Variants in LLGL1 observed in about 807,000 individuals in gnomAD.
LLGL1 encodes the protein LLGL scribble cell polarity complex component 1.
Under a neutral mutation model 110.6 loss-of-function variants are expected in LLGL1, and 58 were observed. That is an observed-to-expected ratio of 0.52 (90% confidence interval 0.42 to 0.65). LLGL1 has a LOEUF of 0.65. Ranked by LOEUF, LLGL1 falls within the 30% of genes least tolerant of loss-of-function variation. The probability of loss-of-function intolerance (pLI) is 0.00; values close to 1 mark genes in which losing one functional copy is unlikely to be tolerated. For missense variants in LLGL1, 1,229 were observed against 1,462.1 expected, an observed-to-expected ratio of 0.84 and a Z score of 2.60; for synonymous variants, 674 against 607.2, an observed-to-expected ratio of 1.11 and a Z score of -1.62.
Position 18,237,682 on chromosome 17 carries a change from A to G in LLGL1, c.1813A>G (p.Thr605Ala). 6.2e-7 allele frequency: 1 copy of G among 1,612,840 alleles called. No individual in the cohort carries two copies. The highest frequency in any genetic ancestry group is 8.5e-7 in the Non-Finnish European group (1 of 1,179,978). Reference protein sequence around the residue: ...CLPPAAVTAVTLHTEWSLVAF... With the variant: ...CLPPAAVTAVALHTEWSLVAF... ...GCCGCCAGCTGCTGTAACCGCTGTC[A>G]CACTCCACACCGAGTGGAGCCTCGT... The change falls in exon 14 of 23, where the codon ACA becomes GCA. Residue 605 changes from threonine to alanine, a missense_variant. Thr to Ala is a moderately conservative substitution (Grantham distance 58). Coordinates refer to ENST00000316843, the MANE Select transcript of LLGL1 (RefSeq NM_004140.4).
In LLGL1 at chr17:18,233,996, C is replaced by T; in HGVS notation, c.552-17C>T. ...GTGCCCGGGAAGTTCTGCTGGCTCA[C>T]CTGCCTTCCTCCACAGCGTGCCAGA... On this transcript the variant is annotated splice_polypyrimidine_tract_variant and intron_variant, in intron 5 of 22. Coordinates refer to ENST00000316843, the MANE Select transcript of LLGL1 (RefSeq NM_004140.4). The T allele has an allele frequency of 6.3e-7, 1 of 1,594,814 alleles. No homozygotes were observed. The highest frequency in any genetic ancestry group is 8.6e-7 in the Non-Finnish European group (1 of 1,168,036).
At chr17:18,242,070 C>G in intron 19 of LLGL1, 71 bp downstream of exon 19, 1 of 1,536,556 alleles carries the variant, frequency 6.5e-7, no homozygotes, top group African/African-American at 1.4e-5. Context: ...CCCCCGAGAT[C>G]TGCCTTCCCT....
chr17:18,242,719 CT>C, intron 21 of LLGL1, 23 bp from the exon 22 acceptor site: 3 of 1,563,324 alleles, frequency 1.9e-6, no homozygotes, highest in Non-Finnish European at 2.6e-6. Flanking sequence ...GCCCCCACCC[CT>C]GAGCACCATC....
intron 4 of LLGL1, 63 bp downstream of exon 4, chr17:18,232,865 A>G: frequency 1.2e-6 from 2 of 1,603,846 alleles, no homozygotes; most frequent in South Asian, 2.2e-5. Context: ...GGCTGTGGGA[A>G]CCTGCTGTGC....
At chr17:18,232,384 G>A in intron 2 of LLGL1, 111 bp from the exon 3 acceptor site, 2 of 942,962 alleles carry the variant, frequency 2.1e-6, no homozygotes, top group Non-Finnish European at 3.2e-6. Flanking sequence ...GGATGGTCAG[G>A]CCCATGCCGG....
rs140611231 is a variant in LLGL1 at position 18,237,767 on chromosome 17, T to C, written c.1898T>C (p.Leu633Pro). Reference sequence around the variant, plus strand: ...GACTACCAGCGCAAGAGCCCTGTGCTGGCCAGGTGTGTGGGGTGGGGCCGG... The same window carrying C: ...GACTACCAGCGCAAGAGCCCTGTGCCGGCCAGGTGTGTGGGGTGGGGCCGG... ...LFDYQRKSPV[L>P]ARCTLHPNDS... Residue 633 changes from leucine (L) to proline (P), a missense_variant, in exon 14 of 23, where the codon CTG becomes CCG. By Grantham distance (98) the Leu-to-Pro change is moderately conservative. Coordinates refer to ENST00000316843, the MANE Select transcript of LLGL1 (RefSeq NM_004140.4). The C allele has an allele frequency of 8.7e-6, 14 of 1,600,936 alleles. No homozygotes were observed. The highest frequency in any genetic ancestry group is 1.2e-5 in the Non-Finnish European group (14 of 1,171,460).
chr17:18,229,501 G>C (rs894712418), intron 1 of LLGL1, among the ~76,000 whole-genome samples: 3 of 152,094 alleles, frequency 2.0e-5, no homozygotes, highest in African/African-American at 7.2e-5. Context: ...GTCATCTTGC[G>C]GGACTCCTCC....
rs924509994 is a variant in LLGL1, at chr17:18,235,767, C to A, written c.1352+230C>A. On this transcript the variant is annotated intron_variant, in intron 11 of 22. Coordinates refer to ENST00000316843, the MANE Select transcript of LLGL1 (RefSeq NM_004140.4). ...AACTGAGCTCTACCAAACCCCAGGG[C>A]TCCACCCGCCCAGCCTGCCTGCCCT... 8 of 553,342 alleles carry A rather than the reference C, an allele frequency of 1.4e-5. No homozygotes were observed. In the East Asian group the frequency reaches 2.5e-4, roughly 17 times the overall value. The allele number at this position is 553,342 out of a possible 1,614,324, so 34.3% of individuals were successfully genotyped here. A position where few individuals can be genotyped will look rare whatever the true frequency, so the allele number is the denominator to read the frequency against.
chr17:18,236,994 A>C (rs149032469), intron 13 of LLGL1, 55 bp downstream of exon 13: 1 of 1,431,748 alleles, frequency 7.0e-7, no homozygotes, highest in Non-Finnish European at 9.7e-7. Context: ...TCTGGAAGAG[A>C]TGAGCTGGAG....
chr17:18,237,113 G>A (rs1465796431), intron 13 of LLGL1, 174 bp downstream of exon 13: 5 of 623,576 alleles, frequency 8.0e-6, no homozygotes, highest in Non-Finnish European at 1.4e-5. Context: ...GCCTGTCGCT[G>A]GGGGAACCAC....
In LLGL1 at chr17:18,242,644, A is replaced by G; in HGVS notation, c.3116+16A>G. On this transcript the variant is annotated intron_variant, in intron 21 of 22. Coordinates refer to ENST00000316843, the MANE Select transcript of LLGL1 (RefSeq NM_004140.4). ...ATTTCCTGGGGTGAGGCTGGTGGGCAGGTCCACAGGGGGGGCTGCCCTGTC... is the reference window on the plus strand; with the variant it reads ...ATTTCCTGGGGTGAGGCTGGTGGGCGGGTCCACAGGGGGGGCTGCCCTGTC... The G allele has an allele frequency of 6.3e-7, 1 of 1,597,014 alleles. No individual in the cohort carries two copies. Among genetic ancestry groups the G allele is most frequent in the Non-Finnish European group, 8.5e-7 (1 of 1,171,512 alleles).
At position 18,232,847 on chromosome 17, in the gene LLGL1, C is replaced by G. The variant is rs761062338; in HGVS notation, c.392+45C>G. On this transcript the variant is annotated intron_variant, in intron 4 of 22. Transcript: ENST00000316843. The stretch of plus-strand genomic sequence containing the variant: ...GGGCCAGCCACCGGGCAGGGAGGAT[C>G]TGGGGGAGGCTGTGGGAACCTGCTG... 1.4e-5 allele frequency: 22 copies of G among 1,610,354 alleles called. No individual in the cohort carries two copies. In the Admixed American group the frequency reaches 3.0e-4, roughly 22 times the overall value.
At position 18,241,465 on chromosome 17, in the gene LLGL1, C is replaced by T. The variant is rs749591365; in HGVS notation, c.2517C>T (p.Pro839=). Residue 839 remains proline (P), a synonymous_variant, in exon 18 of 23, where the codon CCC becomes CCT. Transcript: ENST00000316843. ...CCTGCTGTCAGGTGTTCACACTGCCCAAGGTGAGCGCGAAGACCAAGTTCA... is the reference window on the plus strand; with the variant it reads ...CCTGCTGTCAGGTGTTCACACTGCCTAAGGTGAGCGCGAAGACCAAGTTCA... ...SEEQFKVFTL[P]KVSAKTKFKL... 2.5e-6 allele frequency: 4 copies of T among 1,612,982 alleles called. No individual in the cohort carries two copies. The highest frequency in any genetic ancestry group is 3.4e-6 in the Non-Finnish European group (4 of 1,179,832).
At chr17:18,242,875 C>T (rs1054850862) in intron 22 of LLGL1, 53 bp downstream of exon 22, 1 of 1,473,056 alleles carries the variant, frequency 6.8e-7, no homozygotes, top group Non-Finnish European at 9.1e-7. Context: ...CCACCCCCTT[C>T]AGCCCGTCTG....
Position 18,236,693 on chromosome 17 carries a change from A to G in LLGL1, c.1439A>G (p.Gln480Arg). 6.2e-7 allele frequency: 1 copy of G among 1,612,758 alleles called. No homozygotes were observed. Among genetic ancestry groups the G allele is most frequent in the Non-Finnish European group, 8.5e-7 (1 of 1,179,986 alleles). Residue 480 changes from glutamine to arginine, a missense_variant, in exon 12 of 23, where the codon CAG (glutamine) becomes CGG (arginine). Physicochemically the swap from Gln to Arg is conservative, Grantham distance 43. Coordinates refer to ENST00000316843, the MANE Select transcript of LLGL1 (RefSeq NM_004140.4). ...AAGCTGAGCACAGCTGGCCTCTTCC[A>G]GACAGACTGTGAGCACGCTGACAGC... ...LYKLSTAGLF[Q>R]TDCEHADSLA...
rs1051860152 is a variant in LLGL1, at chr17:18,235,012, C to G, written c.1060+19C>G. The G allele has an allele frequency of 6.2e-7, 1 of 1,613,796 alleles. No homozygotes were observed. Among genetic ancestry groups the G allele is most frequent in the Admixed American group, 1.7e-5 (1 of 60,002 alleles). ...GAGGATGGTGCGTGCCCTGCCGTAC[C>G]CTACCCTTTCCCAGCCCCACCTGGT... On this transcript the variant is annotated intron_variant, in intron 9 of 22. Coordinates refer to ENST00000316843, the MANE Select transcript of LLGL1 (RefSeq NM_004140.4).
Position 18,225,726 on chromosome 17 carries a change from G to C in LLGL1, c.44G>C (p.Arg15Pro). ...RFRRQGADPQ[R>P]EKLKQELFAF... ...CGGCGGCAGGGCGCCGACCCGCAGC[G>C]CGAGAAGCTCAAGCAGGAGCTTTTC... is the stretch of plus-strand genomic sequence containing the variant. Residue 15 changes from arginine to proline, a missense_variant, in exon 1 of 23, where the codon CGC becomes CCC. Coordinates refer to ENST00000316843, the MANE Select transcript of LLGL1 (RefSeq NM_004140.4). 9.4e-7 allele frequency: 1 copy of C among 1,063,018 alleles called. No homozygotes were observed. The highest frequency in any genetic ancestry group is 1.2e-6 in the Non-Finnish European group (1 of 868,916). The allele number at this position is 1,063,018 out of a possible 1,614,324, so 65.8% of individuals were successfully genotyped here. A position where few individuals can be genotyped will look rare whatever the true frequency, so the allele number is the denominator to read the frequency against.
chr17:18,237,049 G>T, intron 13 of LLGL1, 110 bp downstream of exon 13: 1 of 935,690 alleles, frequency 1.1e-6, no homozygotes. Flanking sequence ...AAAAGCCAAG[G>T]TGGGAATAGG....
chr17:18,230,443 G>C (rs147837903), intron 2 of LLGL1, among the ~76,000 whole-genome samples: 2 of 152,296 alleles, frequency 1.3e-5, no homozygotes, highest in East Asian at 3.9e-4. Context: ...TGAATGTGAA[G>C]ACACATGTGT....
Sources: allele counts gnomAD v4.1 joint callset (sites outside exome capture counted in the v4.1 genomes callset), GRCh38; gene constraint gnomAD v4.1.1; transcripts MANE v1.5; gene names NCBI Gene and HGNC (gene_info 2026-07-23, HGNC 2026-07-21).